The following AGBL4 variants were observed in gnomAD, a reference collection of about 807,000 sequenced individuals.
The protein encoded by AGBL4 is cytosolic carboxypeptidase 6.
A neutral mutation model predicts 66.4 loss-of-function variants in AGBL4; 58 were observed. That is an observed-to-expected ratio of 0.87 (90% CI 0.71 to 1.09). The LOEUF is 1.09. AGBL4 is among the 50% of genes least tolerant of loss of function. The pLI is 0.00. For synonymous variants in AGBL4, 234 were observed against 222.9 expected (o/e 1.05, Z -0.44); for missense variants, 579 against 631.0 (o/e 0.92, Z 0.88).
chr1:48,965,599 G>C (rs77561137), intron 5 of AGBL4, among the ~76,000 whole-genome samples: 1 of 152,086 alleles, frequency 6.6e-6, no homozygotes, highest in Non-Finnish European at 1.5e-5. Flanking sequence ...TTTTGCTCCT[G>C]GTCTTCGTTA....
intron 3 of AGBL4, among the ~76,000 whole-genome samples, chr1:49,650,746 A>G (rs533731003): frequency 1.3e-5 from 2 of 152,302 alleles, no homozygotes; most frequent in African/African-American, 4.8e-5. Context: ...CAGCTCACCT[A>G]AGTGCACCTT....
intron 4 of AGBL4, 77 bp downstream of exon 4, chr1:49,245,693 T>G: frequency 5.2e-6 from 5 of 952,720 alleles, no homozygotes; most frequent in Non-Finnish European, 7.8e-6. Context: ...TGGGGGTCCA[T>G]TAGTAGGTGT....
chr1:49,438,591 A>G (rs1557940797), intron 3 of AGBL4, among the ~76,000 whole-genome samples: 2 of 152,174 alleles, frequency 1.3e-5, no homozygotes, highest in Non-Finnish European at 2.9e-5. Context: ...TCTGGCCACA[A>G]CCTCATCCCT....
At chr1:49,312,737 C>T (rs1044815479) in intron 3 of AGBL4, among the ~76,000 whole-genome samples, 5 of 151,962 alleles carry the variant, frequency 3.3e-5, no homozygotes, top group East Asian at 3.9e-4. Flanking sequence ...CAACATCATA[C>T]GTCAATTAGA....
Position 48,907,418 on chromosome 1 carries a change from G to A in AGBL4, c.595-40188C>T, listed in dbSNP as rs190070352. On this transcript the variant is annotated intron_variant, in intron 5 of 13. Transcript: ENST00000371839. Reference sequence around the variant, plus strand: ...GCACTTCTGTTCAAGCACTCTAAAGGTCCACGTGTTTCTCAAAAGCAGGAG... The same window carrying A: ...GCACTTCTGTTCAAGCACTCTAAAGATCCACGTGTTTCTCAAAAGCAGGAG... Among the ~76,000 whole-genome samples, 6 of 152,256 alleles carry A rather than the reference G, an allele frequency of 3.9e-5. No homozygotes were observed. In the East Asian group the frequency reaches 1.2e-3, roughly 29 times the overall value.
At chr1:49,861,794 T>C (rs1052698360) in intron 1 of AGBL4, among the ~76,000 whole-genome samples, 12 of 152,182 alleles carry the variant, frequency 7.9e-5, no homozygotes, top group African/African-American at 2.9e-4. Flanking sequence ...ATCAAGGTGG[T>C]ACATCTCTAC....
intron 4 of AGBL4, among the ~76,000 whole-genome samples, chr1:49,144,370 A>G (rs1056548902): frequency 1.3e-5 from 2 of 151,766 alleles, no homozygotes; most frequent in Non-Finnish European, 2.9e-5. Context: ...TGTGGTTAGG[A>G]TCAGGGGTTG....
At chr1:48,780,865 T>A (rs1645275846) in intron 6 of AGBL4, among the ~76,000 whole-genome samples, 1 of 152,196 alleles carries the variant, frequency 6.6e-6, no homozygotes, top group Admixed American at 6.5e-5. Flanking sequence ...GACATAGGCA[T>A]GGGCAAAGAC....
intron 5 of AGBL4, among the ~76,000 whole-genome samples, chr1:48,919,333 T>G (rs1653887030): frequency 6.6e-6 from 1 of 152,178 alleles, no homozygotes; most frequent in Non-Finnish European, 1.5e-5. Context: ...CTAATCTATT[T>G]CAGGTCTTAC....
At chr1:49,548,411 T>A (rs1652682000) in intron 3 of AGBL4, among the ~76,000 whole-genome samples, 1 of 152,184 alleles carries the variant, frequency 6.6e-6, no homozygotes. Flanking sequence ...TGGCTGTGGG[T>A]TTGTCATAGA....
At chr1:48,573,391 C>T (rs1355177288) in intron 11 of AGBL4, among the ~76,000 whole-genome samples, 1 of 152,086 alleles carries the variant, frequency 6.6e-6, no homozygotes, top group Non-Finnish European at 1.5e-5. Context: ...GATGAGAACC[C>T]AAGTGTCTTA....
chr1:49,423,938 T>C (rs546503313), intron 3 of AGBL4, among the ~76,000 whole-genome samples: 84 of 152,006 alleles, frequency 5.5e-4, no homozygotes, highest in African/African-American at 2.0e-3. Context: ...CTAATGTCAA[T>C]GAGAAATGAC....
chr1:49,816,074 A>G (rs1011857687), intron 2 of AGBL4, among the ~76,000 whole-genome samples: 1 of 151,694 alleles, frequency 6.6e-6, no homozygotes, highest in African/African-American at 2.4e-5. Context: ...TTTTTAAGAG[A>G]TGGGGTCTTG....
At chr1:49,380,354 G>C (rs1009566166) in intron 3 of AGBL4, among the ~76,000 whole-genome samples, 15 of 151,962 alleles carry the variant, frequency 9.9e-5, no homozygotes, top group Admixed American at 3.9e-4. Context: ...AGGATACAAA[G>C]AAATGGAAGA....
At chr1:49,978,462 A>T (rs1225368970) in intron 1 of AGBL4, among the ~76,000 whole-genome samples, 1 of 152,170 alleles carries the variant, frequency 6.6e-6, no homozygotes, top group African/African-American at 2.4e-5. Flanking sequence ...ACAACAAAAA[A>T]AATTATTTCA....
At position 49,971,907 on chromosome 1, in the gene AGBL4, GTTTTTTT is replaced by G. The variant is rs745772850; in HGVS notation, c.34+51849_34+51855del. Reference sequence around the variant, plus strand: ...AAGTACAAGTGCAGGGTTTTTTTGGGTTTTTTTTTTTTTTTTTTTTTTTTTGCAGGGA... The same window carrying G: ...AAGTACAAGTGCAGGGTTTTTTTGGGTTTTTTTTTTTTTTTTTTGCAGGGA... On this transcript the variant is annotated intron_variant, in intron 1 of 13. Transcript: ENST00000371839. 2.4e-3 allele frequency among the ~76,000 whole-genome samples: 56 copies of G among 23,442 alleles called. 2 individuals are homozygous for G. Among genetic ancestry groups the G allele is most frequent in the South Asian group, 7.0e-3 (2 of 284 alleles). 15.4% of individuals were successfully genotyped at this position (23,442 alleles called of 152,430 possible).
intron 4 of AGBL4, among the ~76,000 whole-genome samples, chr1:49,165,417 G>A (rs1646615981): frequency 6.6e-6 from 1 of 152,046 alleles, no homozygotes; most frequent in Non-Finnish European, 1.5e-5. Flanking sequence ...GAGAAAGACT[G>A]GGCTTCCTTG....
intron 5 of AGBL4, among the ~76,000 whole-genome samples, chr1:48,908,086 C>T (rs565321175): frequency 1.3e-5 from 2 of 152,182 alleles, no homozygotes; most frequent in Admixed American, 1.3e-4. Context: ...TTGCAGTTCT[C>T]TCTTCTAAGA....
At chr1:49,286,004 C>G (rs1011065574) in intron 3 of AGBL4, among the ~76,000 whole-genome samples, 1 of 152,144 alleles carries the variant, frequency 6.6e-6, no homozygotes, top group Non-Finnish European at 1.5e-5. Flanking sequence ...CATCAAAAAG[C>G]TTATCCACCA....
Sources: gnomAD v4.1 joint callset for allele counts (sites outside exome capture counted in the v4.1 genomes callset) on GRCh38, gnomAD v4.1.1 for gene constraint, MANE v1.5 for transcripts, NCBI Gene and HGNC (gene_info 2026-07-23, HGNC 2026-07-21) for gene names.